Variants in ACSS3 observed in about 807,000 individuals in gnomAD.
ACSS3 encodes the protein acyl-CoA synthetase short chain family member 3.
A neutral mutation model predicts 84.2 loss-of-function variants in ACSS3; 64 were observed. The observed-to-expected ratio is 0.76, with a 90% CI of 0.62 to 0.94. The LOEUF (loss-of-function observed/expected upper bound fraction) is 0.94. ACSS3 is among the 40% of genes least tolerant of loss of function. ACSS3 has a pLI of 0.00. For synonymous variants in ACSS3, 317 were observed against 310.1 expected (o/e 1.02, Z -0.23); for missense variants, 815 against 867.6 (o/e 0.94, Z 0.76).
chr12:81,213,792 T>TC (rs2032733763), intron 9 of ACSS3, among the ~76,000 whole-genome samples: 9 of 74,036 alleles, frequency 1.2e-4, no homozygotes, highest in Non-Finnish European at 1.9e-4. Context: ...TTCTCTTCTC[T>TC]TTTCTCTTCT....
At chr12:81,131,274 C>G (rs1196242801) in intron 2 of ACSS3, among the ~76,000 whole-genome samples, 1 of 152,122 alleles carries the variant, frequency 6.6e-6, no homozygotes, top group Non-Finnish European at 1.5e-5. Flanking sequence ...GAGTGTTCTT[C>G]CATTTGTTTG....
intron 13 of ACSS3, among the ~76,000 whole-genome samples, chr12:81,235,154 T>G (rs1387947269): frequency 6.6e-6 from 1 of 151,394 alleles, no homozygotes; most frequent in African/African-American, 2.4e-5. Flanking sequence ...TGCCAGTTGT[T>G]CCAGCATCAT....
chr12:81,157,821 T>C (rs1049211107), intron 7 of ACSS3, among the ~76,000 whole-genome samples: 4 of 151,430 alleles, frequency 2.6e-5, no homozygotes, highest in Non-Finnish European at 4.4e-5. Context: ...AATAAATAAA[T>C]AAATATAAAC....
chr12:81,135,741 A>G (rs2574731), intron 3 of ACSS3, among the ~76,000 whole-genome samples: 132,079 of 151,908 alleles, frequency 0.87, 58,941 homozygotes, highest in Non-Finnish European at 0.97. Flanking sequence ...TTGGGTGACA[A>G]GTACCCTAAA....
intron 13 of ACSS3, among the ~76,000 whole-genome samples, chr12:81,236,883 T>C (rs1026599553): frequency 4.6e-5 from 7 of 151,398 alleles, no homozygotes; most frequent in African/African-American, 1.7e-4. Flanking sequence ...AAGAGTGTCA[T>C]TTCCACCTTA....
At chr12:81,253,286 G>T in intron 13 of ACSS3, 21 bp from the exon 14 acceptor site, 1 of 1,598,150 alleles carries the variant, frequency 6.3e-7, no homozygotes, top group Non-Finnish European at 8.6e-7. Context: ...TATTCTAAAT[G>T]AATGCCTTTC....
intron 8 of ACSS3, among the ~76,000 whole-genome samples, chr12:81,178,396 A>T (rs1421065233): frequency 6.6e-6 from 1 of 150,748 alleles, no homozygotes; most frequent in Admixed American, 6.6e-5. Flanking sequence ...GCACACCAGC[A>T]TGGCACATGT....
At chr12:81,082,232 T>TA (rs1881026311) in intron 1 of ACSS3, among the ~76,000 whole-genome samples, 1 of 152,226 alleles carries the variant, frequency 6.6e-6, no homozygotes, top group East Asian at 1.9e-4. Context: ...CCTTGCCTTT[T>TA]GGAATCCCCA....
At chr12:81,129,267 G>A (rs1247325575) in intron 2 of ACSS3, among the ~76,000 whole-genome samples, 1 of 152,010 alleles carries the variant, frequency 6.6e-6, no homozygotes, top group African/African-American at 2.4e-5. Context: ...TATGGTTAGG[G>A]AACTATGGTG....
chr12:81,155,968 C>T (rs745566978), intron 7 of ACSS3, among the ~76,000 whole-genome samples: 2 of 151,936 alleles, frequency 1.3e-5, no homozygotes, highest in African/African-American at 2.4e-5. Context: ...TTTTAAATGC[C>T]CACAGAATAA....
chr12:81,215,529 A>C (rs1261559388), intron 9 of ACSS3, among the ~76,000 whole-genome samples: 1 of 152,196 alleles, frequency 6.6e-6, no homozygotes, highest in Non-Finnish European at 1.5e-5. Flanking sequence ...TCAATATGTG[A>C]TAAATTATGG....
At chr12:81,186,271 G>T (rs1211034634) in intron 8 of ACSS3, among the ~76,000 whole-genome samples, 1 of 151,684 alleles carries the variant, frequency 6.6e-6, no homozygotes, top group African/African-American at 2.4e-5. Flanking sequence ...AGAGAACATG[G>T]GGGAAATGTT....
intron 15 of ACSS3, 72 bp from the exon 16 acceptor site, chr12:81,254,785 A>G (rs1593248503): frequency 1.6e-6 from 2 of 1,225,090 alleles, no homozygotes. Flanking sequence ...CATTGCATAT[A>G]ATTGTTTAAT....
At chr12:81,190,489 T>A (rs945989495) in intron 8 of ACSS3, among the ~76,000 whole-genome samples, 2 of 152,106 alleles carry the variant, frequency 1.3e-5, no homozygotes, top group Non-Finnish European at 2.9e-5. Context: ...CTAGGTCACT[T>A]ACTAATTGTA....
At position 81,172,259 on chromosome 12, in the gene ACSS3, C is replaced by CAAA. The variant is rs775755412; in HGVS notation, c.1099-2513_1099-2511dup. ...CCAGCCTGAGAGTGAGGCTCTGTCTCAAAAAAAAAAAAAAAAAAGGCCCTG... is the reference window on the plus strand; with the variant it reads ...CCAGCCTGAGAGTGAGGCTCTGTCTCAAAAAAAAAAAAAAAAAAAAAGGCCCTG... On this transcript the variant is annotated intron_variant, in intron 7 of 15. Transcript: ENST00000548058. Among the ~76,000 whole-genome samples, 389 of 56,980 alleles carry CAAA rather than the reference C, an allele frequency of 6.8e-3. 7 individuals are homozygous for CAAA. The highest frequency in any genetic ancestry group is 0.018 in the African/African-American group (250 of 14,220). 37.4% of individuals were successfully genotyped at this position (56,980 alleles called of 152,430 possible).
At chr12:81,254,396 C>G (rs1026479223) in intron 15 of ACSS3, among the ~76,000 whole-genome samples, 2 of 152,198 alleles carry the variant, frequency 1.3e-5, no homozygotes, top group African/African-American at 2.4e-5. Flanking sequence ...TTAAAATGCT[C>G]TAACTGATAA....
intron 8 of ACSS3, among the ~76,000 whole-genome samples, chr12:81,186,036 A>G (rs1361235324): frequency 6.6e-6 from 1 of 151,772 alleles, no homozygotes; most frequent in Non-Finnish European, 1.5e-5. Flanking sequence ...CACAGGACAG[A>G]GACCCCAGAA....
chr12:81,218,617 G>C (rs2033003677), intron 10 of ACSS3, among the ~76,000 whole-genome samples: 1 of 152,082 alleles, frequency 6.6e-6, no homozygotes, highest in Non-Finnish European at 1.5e-5. Flanking sequence ...GAAATCCTCT[G>C]TTTAAACAGT....
chr12:81,252,652 C>G (rs182761464), intron 13 of ACSS3, among the ~76,000 whole-genome samples: 26 of 152,186 alleles, frequency 1.7e-4, no homozygotes, highest in African/African-American at 6.3e-4. Context: ...TGTGGTTACT[C>G]AACTCTGTGG....
Sources: allele counts gnomAD v4.1 joint callset (sites outside exome capture counted in the v4.1 genomes callset), GRCh38; gene constraint gnomAD v4.1.1; transcripts MANE v1.5; gene names NCBI Gene and HGNC (gene_info 2026-07-23, HGNC 2026-07-21).